GRIP1: variants seen among roughly 807,000 people sequenced by gnomAD.
The protein encoded by GRIP1 is glutamate receptor-interacting protein 1.
GRIP1 carries 45 observed loss-of-function variants against 129.9 expected under a neutral mutation model. The ratio of observed to expected loss-of-function variants is 0.35; its 90% CI spans 0.27 to 0.44. The LOEUF (loss-of-function observed/expected upper bound fraction) is 0.44. GRIP1 is among the 20% of genes least tolerant of loss of function. The pLI is 1.00. For synonymous variants in GRIP1, 530 were observed against 520.8 expected, an observed-to-expected ratio of 1.02 and a Z score of -0.24; for missense variants, 1,196 against 1,396.8, an observed-to-expected ratio of 0.86 and a Z score of 2.29.
chr12:66,531,251 AAAT>A (rs1565833659), intron 4 of GRIP1, among the ~76,000 whole-genome samples: 7 of 39,772 alleles, frequency 1.8e-4, no homozygotes, highest in Non-Finnish European at 2.6e-4. Context: ...AAAAAAAAAA[AAAT>A]ATATATATAT....
At chr12:66,351,524 C>T (rs2054218776) in intron 24 of GRIP1, among the ~76,000 whole-genome samples, 1 of 148,810 alleles carries the variant, frequency 6.7e-6, no homozygotes, top group African/African-American at 2.5e-5. Flanking sequence ...TTACAATCTG[C>T]TGGGGAGTAT....
chr12:66,981,738 A>C (rs1043863809), intron 1 of GRIP1, among the ~76,000 whole-genome samples: 5 of 152,238 alleles, frequency 3.3e-5, no homozygotes, highest in African/African-American at 1.2e-4. Context: ...AAATAAAGGA[A>C]GTCACACTGT....
intron 15 of GRIP1, among the ~76,000 whole-genome samples, chr12:66,417,683 C>T (rs188044911): frequency 1.1e-4 from 17 of 152,182 alleles, no homozygotes; most frequent in Admixed American, 9.2e-4. Context: ...GAAGTAATCC[C>T]TTTTACAAGA....
chr12:66,685,641 C>T (rs1157519250), intron 1 of GRIP1, among the ~76,000 whole-genome samples: 3 of 152,146 alleles, frequency 2.0e-5, no homozygotes, highest in Admixed American at 6.5e-5. Context: ...AAATCCAACC[C>T]CAACCATAAG....
At chr12:66,573,100 CAT>C (rs2063020723) in intron 2 of GRIP1, among the ~76,000 whole-genome samples, 1 of 77,438 alleles carries the variant, frequency 1.3e-5, no homozygotes, top group Non-Finnish European at 2.6e-5. Context: ...TATATGTCGG[CAT>C]ATATATGTTA....
chr12:66,654,455 A>G (rs1036577032), intron 1 of GRIP1, among the ~76,000 whole-genome samples: 4 of 152,210 alleles, frequency 2.6e-5, no homozygotes, highest in Non-Finnish European at 4.4e-5. Context: ...ACGCAAAATC[A>G]TGGAAGTTGA....
intron 1 of GRIP1, among the ~76,000 whole-genome samples, chr12:66,713,842 C>G (rs2035786666): frequency 6.6e-6 from 1 of 152,002 alleles, no homozygotes; most frequent in African/African-American, 2.4e-5. Flanking sequence ...GTATCTAATA[C>G]CTAGCACATA....
At chr12:66,569,158 A>G (rs528866945) in intron 2 of GRIP1, 1 of 237,686 alleles carries the variant, frequency 4.2e-6, no homozygotes, top group African/African-American at 2.3e-5. Context: ...TGATCAAAAA[A>G]CTTTAATTGT....
At chr12:66,369,049 A>G (rs1013123004) in intron 23 of GRIP1, among the ~76,000 whole-genome samples, 1 of 152,246 alleles carries the variant, frequency 6.6e-6, no homozygotes, top group Non-Finnish European at 1.5e-5. Context: ...TAGGGGGCTT[A>G]CAATGTCTAG....
At chr12:66,962,756 G>A (rs547415525) in intron 1 of GRIP1, among the ~76,000 whole-genome samples, 1 of 152,164 alleles carries the variant, frequency 6.6e-6, no homozygotes, top group South Asian at 2.1e-4. Flanking sequence ...TTAGTCAATA[G>A]CCCACTTAAT....
chr12:66,367,245 AT>A (rs2055207152), intron 23 of GRIP1, among the ~76,000 whole-genome samples: 1 of 148,038 alleles, frequency 6.8e-6, no homozygotes, highest in African/African-American at 2.7e-5. Context: ...CATTTGAAAG[AT>A]AAGATGCATA....
chr12:66,782,147 A>C (rs1032764115), intron 1 of GRIP1, among the ~76,000 whole-genome samples: 1 of 152,186 alleles, frequency 6.6e-6, no homozygotes, highest in East Asian at 1.9e-4. Flanking sequence ...TTCACTTCTT[A>C]AAAATTCATT....
intron 1 of GRIP1, among the ~76,000 whole-genome samples, chr12:66,809,252 G>C (rs1269114862): frequency 6.6e-6 from 1 of 152,216 alleles, no homozygotes; most frequent in Non-Finnish European, 1.5e-5. Flanking sequence ...CAGCTATTGA[G>C]ATTAAATCTT....
intron 1 of GRIP1, among the ~76,000 whole-genome samples, chr12:66,694,992 T>C (rs1753335586): frequency 6.6e-6 from 1 of 152,246 alleles, no homozygotes; most frequent in South Asian, 2.1e-4. Context: ...TAACTGTTGT[T>C]GTTATAATTT....
intron 7 of GRIP1, 31 bp from the exon 8 acceptor site, chr12:66,465,453 CAA>C: frequency 6.4e-7 from 1 of 1,555,272 alleles, no homozygotes; most frequent in South Asian, 1.1e-5. Context: ...GAAAACAAAA[CAA>C]ATAAAACAAA....
intron 1 of GRIP1, among the ~76,000 whole-genome samples, chr12:66,964,116 CT>C (rs1805278899): frequency 6.6e-6 from 1 of 152,126 alleles, no homozygotes; most frequent in Admixed American, 6.6e-5. Flanking sequence ...AACAGTCCTG[CT>C]TGAGGCCACA....
chr12:66,627,381 C>G (rs1044736808), intron 1 of GRIP1, among the ~76,000 whole-genome samples: 19 of 152,166 alleles, frequency 1.2e-4, no homozygotes, highest in Admixed American at 7.9e-4. Flanking sequence ...AATATCAGTT[C>G]ACTTTCTCAT....
intron 1 of GRIP1, among the ~76,000 whole-genome samples, chr12:66,834,533 T>C (rs2039575711): frequency 1.3e-5 from 2 of 152,220 alleles, no homozygotes; most frequent in Non-Finnish European, 2.9e-5. Context: ...ATCCAAGTTT[T>C]ACTTAAATAG....
intron 1 of GRIP1, among the ~76,000 whole-genome samples, chr12:66,886,915 G>C (rs1310674269): frequency 1.3e-5 from 2 of 152,118 alleles, no homozygotes; most frequent in Non-Finnish European, 2.9e-5. Context: ...GTCTCAACAG[G>C]TATAGGAATT....
Sources: gnomAD v4.1 joint callset for allele counts (sites outside exome capture counted in the v4.1 genomes callset) on GRCh38, gnomAD v4.1.1 for gene constraint, MANE v1.5 for transcripts, NCBI Gene and HGNC (gene_info 2026-07-23, HGNC 2026-07-21) for gene names.